Variants in CADM2 observed in about 807,000 individuals in gnomAD.
CADM2 encodes immunoglobulin superfamily member 4D.
A neutral mutation model predicts 49.8 loss-of-function variants in CADM2; 12 were observed. That is an observed-to-expected ratio of 0.24 (90% CI 0.15 to 0.39). The LOEUF (loss-of-function observed/expected upper bound fraction) is 0.39, where lower values mean the gene tolerates loss of function less well. CADM2 is among the 10% of genes least tolerant of loss of function. The pLI, the probability that CADM2 is intolerant of heterozygous loss-of-function variation, is 1.00. For missense variants in CADM2, 378 were observed against 492.3 expected (o/e 0.77, Z 2.20); for synonymous variants, 214 against 175.4 (o/e 1.22, Z -1.74).
intron 1 of CADM2, among the ~76,000 whole-genome samples, chr3:85,701,833 A>G (rs1257085492): frequency 6.6e-6 from 1 of 152,028 alleles, no homozygotes; most frequent in Non-Finnish European, 1.5e-5. Context: ...TCACTGGTAT[A>G]AATTGGTAAA....
At chr3:85,534,392 A>G (rs59770976) in intron 1 of CADM2, among the ~76,000 whole-genome samples, 77,950 of 152,108 alleles carry the variant, frequency 0.51, 23,063 homozygotes, top group East Asian at 0.85. Context: ...CGAGTCCTCT[A>G]TAGTCTTGTA....
chr3:85,457,591 T>C (rs1576591042), intron 1 of CADM2, among the ~76,000 whole-genome samples: 1 of 152,144 alleles, frequency 6.6e-6, no homozygotes, highest in African/African-American at 2.4e-5. Context: ...GTGATTATGA[T>C]TTTTACTGAA....
intron 1 of CADM2, among the ~76,000 whole-genome samples, chr3:85,698,012 A>T (rs1347403409): frequency 6.6e-6 from 1 of 152,226 alleles, no homozygotes; most frequent in African/African-American, 2.4e-5. Context: ...TTAAAGATCA[A>T]CTTAAGACAC....
At chr3:85,647,606 T>C (rs945433573) in intron 1 of CADM2, among the ~76,000 whole-genome samples, 7 of 151,842 alleles carry the variant, frequency 4.6e-5, no homozygotes, top group African/African-American at 1.7e-4. Context: ...TTATAAATGA[T>C]GCTTTTTTAA....
chr3:85,547,084 T>G (rs1365567688), intron 1 of CADM2, among the ~76,000 whole-genome samples: 1 of 124,000 alleles, frequency 8.1e-6, no homozygotes, highest in Non-Finnish European at 1.8e-5. Flanking sequence ...GAATTTATAC[T>G]ATTTTGATGA....
chr3:85,097,995 G>T (rs2107537435), intron 1 of CADM2, among the ~76,000 whole-genome samples: 1 of 152,198 alleles, frequency 6.6e-6, no homozygotes, highest in South Asian at 2.1e-4. Context: ...GACATAAATT[G>T]GGGAAAATGG....
chr3:85,185,453 C>T (rs1298684042), intron 1 of CADM2, among the ~76,000 whole-genome samples: 1 of 151,974 alleles, frequency 6.6e-6, no homozygotes, highest in East Asian at 1.9e-4. Flanking sequence ...TGTTCTTTTT[C>T]CCATATCATA....
Position 85,886,270 on chromosome 3 carries a change from T to A in CADM2, c.472T>A (p.Ser158Thr). 1.9e-6 allele frequency: 3 copies of A among 1,613,912 alleles called. No homozygotes were observed. The highest frequency in any genetic ancestry group is 1.7e-6 in the Non-Finnish European group (2 of 1,179,910). ...CTTGATGCAGCTGACTTGCAAAACA[T>A]CTGGTAGTAAACCTGCAGCTGATAT... ...GDLMQLTCKT[S>T]GSKPAADIRW... Residue 158 changes from serine to threonine, a missense_variant, in exon 5 of 10, where the codon TCT becomes ACT. Ser to Thr is a moderately conservative substitution (Grantham distance 58). Transcript: ENST00000383699.
chr3:85,520,269 A>C (rs575763159), intron 1 of CADM2, among the ~76,000 whole-genome samples: 1 of 151,842 alleles, frequency 6.6e-6, no homozygotes, highest in African/African-American at 2.4e-5. Context: ...CATACAGATT[A>C]TTATATATTG....
intron 1 of CADM2, among the ~76,000 whole-genome samples, chr3:85,562,528 T>G: frequency 7.5e-6 from 1 of 133,206 alleles, no homozygotes; most frequent in Non-Finnish European, 1.6e-5. Flanking sequence ...TGAGAAGACA[T>G]ACATGAAGTA....
intron 7 of CADM2, among the ~76,000 whole-genome samples, chr3:85,954,488 G>T (rs1290313281): frequency 6.6e-6 from 1 of 150,912 alleles, no homozygotes; most frequent in Non-Finnish European, 1.5e-5. Flanking sequence ...TCAGAATACT[G>T]CTCTTTTAGA....
At chr3:85,706,746 T>TA (rs1422832470) in intron 1 of CADM2, among the ~76,000 whole-genome samples, 4 of 152,154 alleles carry the variant, frequency 2.6e-5, no homozygotes, top group Non-Finnish European at 5.9e-5. Context: ...ATCATCAAAA[T>TA]AATAAGCAAA....
In CADM2 at chr3:85,941,802, C is replaced by T. The variant is rs1356363123; in HGVS notation, c.791+5945C>T. 2.6e-5 allele frequency among the ~76,000 whole-genome samples: 4 copies of T among 152,048 alleles called. No homozygotes were observed. The East Asian group carries it at 7.7e-4, about 29-fold the overall frequency. ...TCTGGAAGGCCTTAAAGAACCCAAACTAAGTAGATGGCTTGGCTCAGGAGT... is the reference window on the plus strand; with the variant it reads ...TCTGGAAGGCCTTAAAGAACCCAAATTAAGTAGATGGCTTGGCTCAGGAGT... On this transcript the variant is annotated intron_variant, in intron 7 of 9. Transcript: ENST00000383699.
At chr3:85,156,301 G>A (rs575462121) in intron 1 of CADM2, among the ~76,000 whole-genome samples, 6 of 151,882 alleles carry the variant, frequency 4.0e-5, no homozygotes, top group African/African-American at 1.2e-4. Context: ...TATCACCACC[G>A]ATCCCATAGA....
intron 1 of CADM2, among the ~76,000 whole-genome samples, chr3:85,095,812 A>G (rs1215769477): frequency 6.6e-6 from 1 of 152,130 alleles, no homozygotes; most frequent in African/African-American, 2.4e-5. Flanking sequence ...TTTCTTGAGC[A>G]CATCTGGGAA....
chr3:85,969,841 G>A (rs1042033048), intron 8 of CADM2, among the ~76,000 whole-genome samples: 1 of 150,796 alleles, frequency 6.6e-6, no homozygotes, highest in Non-Finnish European at 1.5e-5. Context: ...CTCTCCCGCT[G>A]TTTTCAAGAG....
intron 3 of CADM2, among the ~76,000 whole-genome samples, chr3:85,858,160 T>G (rs1159865093): frequency 3.9e-5 from 6 of 152,218 alleles, no homozygotes; most frequent in African/African-American, 1.4e-4. Flanking sequence ...GTCTAGTGTC[T>G]TTTACTAAAA....
chr3:85,061,497 A>G (rs1464998187), intron 1 of CADM2, among the ~76,000 whole-genome samples: 1 of 152,182 alleles, frequency 6.6e-6, no homozygotes, highest in Non-Finnish European at 1.5e-5. Flanking sequence ...TTAAGTCAAA[A>G]TAGGACAGAC....
At chr3:85,342,817 A>G (rs983093914) in intron 1 of CADM2, among the ~76,000 whole-genome samples, 3 of 152,178 alleles carry the variant, frequency 2.0e-5, no homozygotes, top group Admixed American at 2.0e-4. Context: ...GAAGATTTTT[A>G]ACCCAAGCAA....
Sources: gnomAD v4.1 joint callset for allele counts (sites outside exome capture counted in the v4.1 genomes callset) on GRCh38, gnomAD v4.1.1 for gene constraint, MANE v1.5 for transcripts, NCBI Gene and HGNC (gene_info 2026-07-23, HGNC 2026-07-21) for gene names.